Variants in KCNIP1 observed in about 807,000 individuals in gnomAD.
KCNIP1 encodes the protein potassium voltage-gated channel interacting protein 1.
KCNIP1 carries 18 observed loss-of-function variants against 33.0 expected under a neutral mutation model. The observed-to-expected ratio is 0.55, with a 90% CI of 0.38 to 0.81. The LOEUF is 0.81. Among genes scored for constraint, KCNIP1 ranks in the 30% least tolerant of loss-of-function variants. KCNIP1 has a pLI of 0.00. For missense variants in KCNIP1, 238 were observed against 271.6 expected (o/e 0.88, Z 0.87); for synonymous variants, 93 against 98.3 (o/e 0.95, Z 0.32).
intron 1 of KCNIP1, among the ~76,000 whole-genome samples, chr5:170,369,229 T>C (rs1198630537): frequency 6.6e-6 from 1 of 152,204 alleles, no homozygotes. Flanking sequence ...AGACTCAGAT[T>C]CTTCATCAGT....
chr5:170,398,808 C>A (rs1754823558), intron 1 of KCNIP1, among the ~76,000 whole-genome samples: 1 of 152,158 alleles, frequency 6.6e-6, no homozygotes, highest in South Asian at 2.1e-4. Flanking sequence ...AGATTATAAA[C>A]AGGTTATTCT....
chr5:170,533,729 G>C (rs1755865708), intron 1 of KCNIP1, among the ~76,000 whole-genome samples: 1 of 152,206 alleles, frequency 6.6e-6, no homozygotes, highest in Non-Finnish European at 1.5e-5. Context: ...GAGAGCTCTG[G>C]TCTGAAGATG....
intron 1 of KCNIP1, among the ~76,000 whole-genome samples, chr5:170,699,714 C>T (rs1350128476): frequency 6.6e-6 from 1 of 152,116 alleles, no homozygotes; most frequent in African/African-American, 2.4e-5. Flanking sequence ...CCAGCTGAAA[C>T]CTCAAACATC....
At chr5:170,468,048 C>T (rs894400878) in intron 1 of KCNIP1, among the ~76,000 whole-genome samples, 3 of 151,856 alleles carry the variant, frequency 2.0e-5, no homozygotes, top group Non-Finnish European at 4.4e-5. Context: ...AATCTGTGGC[C>T]TTTCAGAGTC....
In KCNIP1 at chr5:170,366,638, T is replaced by C. The variant is rs531034773; in HGVS notation, c.88+12674T>C. On this transcript the variant is annotated intron_variant, in intron 1 of 7. Coordinates refer to the KCNIP1 transcript ENST00000377360. ...CATGGCACAGTGACCAGCGTGAGAC[T>C]CCTCCAAATGTCCTCAGTGTAAGGG... is the stretch of plus-strand genomic sequence containing the variant. Among the ~76,000 whole-genome samples the C allele has an allele frequency of 5.3e-5, 8 of 152,322 alleles. No individual in the cohort carries two copies. The East Asian group carries it at 1.5e-3, about 29-fold the overall frequency.
chr5:170,546,830 C>T (rs944258026), intron 1 of KCNIP1, among the ~76,000 whole-genome samples: 32 of 152,246 alleles, frequency 2.1e-4, no homozygotes, highest in African/African-American at 6.5e-4. Context: ...TAGAGTCACT[C>T]GCACATAAAT....
At chr5:170,526,672 T>C (rs978261159) in intron 1 of KCNIP1, among the ~76,000 whole-genome samples, 2 of 151,410 alleles carry the variant, frequency 1.3e-5, no homozygotes, top group South Asian at 4.2e-4. Flanking sequence ...TCCCCACTGA[T>C]GGGACACCTT....
intron 1 of KCNIP1, among the ~76,000 whole-genome samples, chr5:170,661,692 CT>C (rs1407215709): frequency 5.3e-5 from 8 of 152,188 alleles, no homozygotes; most frequent in Non-Finnish European, 5.9e-5. Context: ...ATATTATACC[CT>C]TTTCATCGCT....
chr5:170,458,083 G>A (rs983851547), intron 1 of KCNIP1, among the ~76,000 whole-genome samples: 6 of 152,134 alleles, frequency 3.9e-5, no homozygotes, highest in East Asian at 1.9e-4. Context: ...AATTGAACAC[G>A]CTGAAGAAAG....
intron 1 of KCNIP1, chr5:170,420,679 A>C (rs1755463056): frequency 6.6e-6 from 1 of 152,258 alleles, no homozygotes; most frequent in Admixed American, 6.5e-5. Flanking sequence ...AAGGTTATAC[A>C]CAGGATTTTG....
intron 1 of KCNIP1, among the ~76,000 whole-genome samples, chr5:170,602,957 G>A (rs1430965348): frequency 3.9e-5 from 6 of 152,218 alleles, no homozygotes; most frequent in Admixed American, 1.3e-4. Flanking sequence ...CCCTGGCCCC[G>A]AGTGAGCCAG....
chr5:170,514,321 G>A (rs74999403), intron 1 of KCNIP1, among the ~76,000 whole-genome samples: 1 of 152,306 alleles, frequency 6.6e-6, no homozygotes, highest in Non-Finnish European at 1.5e-5. Flanking sequence ...CTCCATCTCT[G>A]GGATTCGCCC....
chr5:170,448,447 A>G (rs1032920339), intron 1 of KCNIP1, among the ~76,000 whole-genome samples: 6 of 152,222 alleles, frequency 3.9e-5, no homozygotes, highest in Non-Finnish European at 8.8e-5. Flanking sequence ...CTGACCAGCC[A>G]TGGAGGCCCT....
intron 1 of KCNIP1, chr5:170,680,814 T>C (rs547467015): frequency 3.1e-6 from 1 of 320,294 alleles, no homozygotes; most frequent in South Asian, 1.6e-4. Flanking sequence ...GGTTAAACCT[T>C]TGGAGAAATT....
intron 1 of KCNIP1, among the ~76,000 whole-genome samples, chr5:170,481,411 G>A (rs935526073): frequency 6.8e-6 from 1 of 147,990 alleles, no homozygotes; most frequent in Non-Finnish European, 1.5e-5. Flanking sequence ...TGCTGCTGCT[G>A]CTGCTGCTGT....
chr5:170,438,510 G>GA (rs1181530334), intron 1 of KCNIP1, among the ~76,000 whole-genome samples: 1 of 152,052 alleles, frequency 6.6e-6, no homozygotes, highest in Non-Finnish European at 1.5e-5. Context: ...ATTGCCCACG[G>GA]ACCTGCCCAG....
At chr5:170,642,555 C>G (rs984399844) in intron 1 of KCNIP1, among the ~76,000 whole-genome samples, 1 of 152,168 alleles carries the variant, frequency 6.6e-6, no homozygotes, top group African/African-American at 2.4e-5. Flanking sequence ...GTCACCATCG[C>G]CAAAGCAAAG....
chr5:170,497,243 G>A (rs1273821649), intron 1 of KCNIP1, among the ~76,000 whole-genome samples: 6 of 152,096 alleles, frequency 3.9e-5, no homozygotes, highest in Non-Finnish European at 7.4e-5. Flanking sequence ...CCTTTTTCAT[G>A]AGCCTTGCAA....
At chr5:170,598,717 GC>G (rs765200564) in intron 1 of KCNIP1, among the ~76,000 whole-genome samples, 3 of 152,072 alleles carry the variant, frequency 2.0e-5, no homozygotes, top group Non-Finnish European at 4.4e-5. Flanking sequence ...CTTCAGAAGG[GC>G]CCTCTCGAGA....
Sources: gnomAD v4.1 joint callset for allele counts (sites outside exome capture counted in the v4.1 genomes callset) on GRCh38, gnomAD v4.1.1 for gene constraint, MANE v1.5 for transcripts, NCBI Gene and HGNC (gene_info 2026-07-23, HGNC 2026-07-21) for gene names.